The following LHFPL3 variants were observed in gnomAD, a reference collection of about 807,000 sequenced individuals.
LHFPL3 encodes LHFPL tetraspan subfamily member 3, also known as LHFPL tetraspan subfamily member 3 protein.
LHFPL3 carries 5 observed loss-of-function variants against 19.3 expected under a neutral mutation model. That is an observed-to-expected ratio of 0.26 (90% CI 0.14 to 0.54). The LOEUF is 0.54. Ranked by LOEUF, LHFPL3 falls within the 20% of genes least tolerant of loss-of-function variation. LHFPL3 has a pLI of 0.94. For missense variants in LHFPL3, 249 were observed against 307.4 expected (o/e 0.81, Z 1.42); for synonymous variants, 133 against 126.2 (o/e 1.05, Z -0.36).
At chr7:104,791,167 G>A (rs1790015652) in intron 2 of LHFPL3, among the ~76,000 whole-genome samples, 1 of 152,172 alleles carries the variant, frequency 6.6e-6, no homozygotes, top group South Asian at 2.1e-4. Flanking sequence ...TCACCATTGT[G>A]TGTTCTGGAC....
chr7:104,638,623 C>G, intron 1 of LHFPL3, among the ~76,000 whole-genome samples: 1 of 152,058 alleles, frequency 6.6e-6, no homozygotes, highest in South Asian at 2.1e-4. Flanking sequence ...TTATCAAAAG[C>G]CTTTTTTGCA....
At chr7:104,330,514 A>G (rs1049480161) in intron 1 of LHFPL3, among the ~76,000 whole-genome samples, 2 of 152,312 alleles carry the variant, frequency 1.3e-5, no homozygotes, top group African/African-American at 4.8e-5. Flanking sequence ...TCATAGTCCT[A>G]TATTGCTAGT....
intron 2 of LHFPL3, among the ~76,000 whole-genome samples, chr7:104,757,398 A>G (rs1467660270): frequency 6.6e-6 from 1 of 152,226 alleles, no homozygotes; most frequent in African/African-American, 2.4e-5. Context: ...AGCAAAAGAA[A>G]CTATCAACAG....
chr7:104,644,951 T>C (rs1183706351), intron 1 of LHFPL3, among the ~76,000 whole-genome samples: 2 of 152,332 alleles, frequency 1.3e-5, no homozygotes, highest in East Asian at 3.9e-4. Context: ...AGGTCTCTTC[T>C]CTATTACACC....
chr7:104,725,785 C>T (rs1584498847), intron 1 of LHFPL3, among the ~76,000 whole-genome samples: 3 of 152,234 alleles, frequency 2.0e-5, no homozygotes, highest in South Asian at 2.1e-4. Flanking sequence ...GGCGCGGTGG[C>T]TTACGCCTGT....
At chr7:104,350,912 C>G (rs769718692) in intron 1 of LHFPL3, among the ~76,000 whole-genome samples, 1 of 151,920 alleles carries the variant, frequency 6.6e-6, no homozygotes, top group African/African-American at 2.4e-5. Flanking sequence ...TGGTGGCTTA[C>G]GCCTGTAATC....
chr7:104,520,599 C>T (rs1172856219), intron 1 of LHFPL3, among the ~76,000 whole-genome samples: 2 of 139,688 alleles, frequency 1.4e-5, no homozygotes, highest in African/African-American at 5.3e-5. Context: ...GGTTGGTAAG[C>T]TATTGATTAT....
chr7:104,853,729 C>A (rs908590891), intron 2 of LHFPL3, among the ~76,000 whole-genome samples: 1 of 152,122 alleles, frequency 6.6e-6, no homozygotes, highest in African/African-American at 2.4e-5. Context: ...GCACTTTTTC[C>A]TGCTTTTTGA....
At chr7:104,506,458 G>T (rs150957234) in intron 1 of LHFPL3, among the ~76,000 whole-genome samples, 1 of 152,094 alleles carries the variant, frequency 6.6e-6, no homozygotes, top group Non-Finnish European at 1.5e-5. Flanking sequence ...CCCAGGATAT[G>T]TTCACTTATT....
chr7:104,694,078 G>A (rs1210058373), intron 1 of LHFPL3, among the ~76,000 whole-genome samples: 1 of 152,148 alleles, frequency 6.6e-6, no homozygotes, highest in African/African-American at 2.4e-5. Context: ...GAAATAAGGG[G>A]TGTTTTCCTC....
chr7:104,476,838 A>G (rs1793029924), intron 1 of LHFPL3, among the ~76,000 whole-genome samples: 1 of 152,202 alleles, frequency 6.6e-6, no homozygotes. Flanking sequence ...TTTTCTTATC[A>G]GCTAAGTTAG....
chr7:104,481,736 A>G (rs1241126937), intron 1 of LHFPL3, among the ~76,000 whole-genome samples: 1 of 152,080 alleles, frequency 6.6e-6, no homozygotes, highest in East Asian at 1.9e-4. Flanking sequence ...TTTTATTTTC[A>G]ATGCTCCTGA....
At chr7:104,556,847 T>C (rs749372169) in intron 1 of LHFPL3, among the ~76,000 whole-genome samples, 9 of 152,212 alleles carry the variant, frequency 5.9e-5, no homozygotes, top group Non-Finnish European at 8.8e-5. Context: ...CTTGAATGCT[T>C]TGCTGCTTAG....
chr7:104,396,982 A>G (rs182020105), intron 1 of LHFPL3, among the ~76,000 whole-genome samples: 178 of 152,146 alleles, frequency 1.2e-3, no homozygotes, highest in Non-Finnish European at 2.1e-3. Context: ...AAAAAAAGAA[A>G]AGCTCGCAGA....
intron 1 of LHFPL3, among the ~76,000 whole-genome samples, chr7:104,419,992 A>C (rs535315263): frequency 3.8e-4 from 58 of 152,192 alleles, no homozygotes; most frequent in East Asian, 1.6e-3. Flanking sequence ...ACAACAACAA[A>C]AAACAGTGGA....
At chr7:104,589,129 C>A (rs1443974549) in intron 1 of LHFPL3, among the ~76,000 whole-genome samples, 1 of 152,102 alleles carries the variant, frequency 6.6e-6, no homozygotes. Flanking sequence ...ATTGCCCTGG[C>A]CAGAACTTCC....
At chr7:104,498,142 T>C (rs1053718087) in intron 1 of LHFPL3, among the ~76,000 whole-genome samples, 4 of 152,258 alleles carry the variant, frequency 2.6e-5, no homozygotes, top group Non-Finnish European at 4.4e-5. Context: ...ATAATGCCTG[T>C]ACCACAGGGC....
chr7:104,841,294 T>C (rs1272158089), intron 2 of LHFPL3, among the ~76,000 whole-genome samples: 3 of 152,146 alleles, frequency 2.0e-5, no homozygotes, highest in Non-Finnish European at 4.4e-5. Flanking sequence ...TCATGAGACA[T>C]GACTATGTAG....
intron 1 of LHFPL3, among the ~76,000 whole-genome samples, chr7:104,532,499 C>T (rs945887054): frequency 1.3e-5 from 2 of 151,908 alleles, no homozygotes; most frequent in Non-Finnish European, 2.9e-5. Context: ...TTCTGTTTAT[C>T]CATATTTCTA....
Sources: gnomAD v4.1 joint callset for allele counts (sites outside exome capture counted in the v4.1 genomes callset) on GRCh38, gnomAD v4.1.1 for gene constraint, MANE v1.5 for transcripts, NCBI Gene and HGNC (gene_info 2026-07-23, HGNC 2026-07-21) for gene names.